The following CFAP43 variants were observed in gnomAD, a reference collection of about 807,000 sequenced individuals.
CFAP43 encodes the protein cilia and flagella associated protein 43.
In CFAP43, 155 loss-of-function variants were observed where a neutral mutation model predicts 218.9. The observed-to-expected ratio is 0.71, with a 90% CI of 0.62 to 0.81. CFAP43 has a LOEUF of 0.81. Ranked by LOEUF, CFAP43 falls within the 30% of genes least tolerant of loss-of-function variation. The probability of loss-of-function intolerance (pLI) is 0.00; values close to 1 mark genes in which losing one functional copy is unlikely to be tolerated. For missense variants in CFAP43, 1,778 were observed against 1,954.3 expected (o/e 0.91, Z 1.70); for synonymous variants, 645 against 681.3 (o/e 0.95, Z 0.83).
chr10:104,218,400 AT>A (rs1393314656), intron 3 of CFAP43, among the ~76,000 whole-genome samples: 1 of 151,232 alleles, frequency 6.6e-6, no homozygotes, highest in East Asian at 1.9e-4. Flanking sequence ...TCCAAAAAGA[AT>A]TTTTTTTCAA....
intron 8 of CFAP43, among the ~76,000 whole-genome samples, chr10:104,198,977 A>G (rs1289227306): frequency 6.6e-6 from 1 of 152,212 alleles, no homozygotes; most frequent in Non-Finnish European, 1.5e-5. Context: ...TTTAATTTAC[A>G]AAACATAACA....
At chr10:104,169,795 T>C (rs1382663455) in intron 20 of CFAP43, among the ~76,000 whole-genome samples, 1 of 152,170 alleles carries the variant, frequency 6.6e-6, no homozygotes, top group Non-Finnish European at 1.5e-5. Context: ...GCTAATATAG[T>C]TTTAAATTAT....
Position 104,166,558 on chromosome 10 carries a change from G to A in CFAP43, c.2969C>T (p.Thr990Ile), listed in dbSNP as rs1269401188. The change falls in exon 23 of 38, where the codon ACC becomes ATC. Residue 990 changes from threonine (T) to isoleucine (I), a missense_variant. Physicochemically the swap from Thr to Ile is moderately conservative, Grantham distance 89. Transcript: ENST00000357060. ...CTCCAATTGGCTTGACAATAAAGAG[G>A]TATCTACCCCAAAATCAGTACTCAG... ...GSLSTDFGVD[T>I]SLLSSQLELH... is the part of the protein sequence containing the mutation. 1 of 1,613,928 alleles carries A rather than the reference G, an allele frequency of 6.2e-7. No individual in the cohort carries two copies. Among genetic ancestry groups the A allele is most frequent in the Non-Finnish European group, 8.5e-7 (1 of 1,180,002 alleles).
At position 104,131,467 on chromosome 10, in the gene CFAP43, C is replaced by T. The variant is rs1435092672; in HGVS notation, c.4695G>A (p.Val1565=). 1 of 1,609,674 alleles carries T rather than the reference C, an allele frequency of 6.2e-7. No individual in the cohort carries two copies. Among genetic ancestry groups the T allele is most frequent in the Admixed American group, 1.7e-5 (1 of 58,980 alleles). The change falls in exon 37 of 38, where the codon GTG becomes GTA. Residue 1565 remains valine, a synonymous_variant. Coordinates refer to ENST00000357060, the MANE Select transcript of CFAP43 (RefSeq NM_025145.7). ...AVLDKMHKKN[V]ENCKKLLKKL... ...TTTTGAGTAGTTTCTTGCAGTTTTC[C>T]ACATTCTTTTTGTGCATCTGAAATT...
chr10:104,180,564 G>C (rs2089798354), intron 17 of CFAP43, among the ~76,000 whole-genome samples: 1 of 150,984 alleles, frequency 6.6e-6, no homozygotes, highest in Non-Finnish European at 1.5e-5. Context: ...TCCTGCCTCA[G>C]CCTCCTGAGT....
intron 13 of CFAP43, 113 bp from the exon 14 acceptor site, chr10:104,187,605 T>C (rs2090073796): frequency 2.3e-6 from 2 of 885,938 alleles, no homozygotes; most frequent in Non-Finnish European, 3.2e-6. Context: ...TCAACTAATA[T>C]TGCGGAAGCT....
intron 1 of CFAP43, among the ~76,000 whole-genome samples, chr10:104,231,794 G>A (rs2091454544): frequency 6.6e-6 from 1 of 152,222 alleles, no homozygotes; most frequent in Non-Finnish European, 1.5e-5. Context: ...AATCACCAAA[G>A]GTAGCAAGGA....
At chr10:104,231,176 CAG>C (rs769374857) in intron 1 of CFAP43, among the ~76,000 whole-genome samples, 6 of 152,176 alleles carry the variant, frequency 3.9e-5, no homozygotes, top group Non-Finnish European at 8.8e-5. Context: ...GTGAAAATAA[CAG>C]AGAAAAGAGC....
chr10:104,229,376 G>A (rs905157952), intron 2 of CFAP43, among the ~76,000 whole-genome samples: 1 of 152,070 alleles, frequency 6.6e-6, no homozygotes, highest in Non-Finnish European at 1.5e-5. Context: ...CATTAGGCCG[G>A]GCACAGTGGC....
At chr10:104,189,895 T>C (rs1160479909) in intron 12 of CFAP43, among the ~76,000 whole-genome samples, 3 of 151,400 alleles carry the variant, frequency 2.0e-5, no homozygotes, top group Admixed American at 6.6e-5. Flanking sequence ...AGGCCAGGCG[T>C]GGTGGCTCAC....
intron 3 of CFAP43, among the ~76,000 whole-genome samples, chr10:104,218,466 C>G (rs1317736461): frequency 6.6e-6 from 1 of 151,504 alleles, no homozygotes; most frequent in Non-Finnish European, 1.5e-5. Flanking sequence ...CCTTCCTTCT[C>G]AAGCAGTGGT....
intron 19 of CFAP43, among the ~76,000 whole-genome samples, chr10:104,176,516 TAAAAG>T (rs1394134486): frequency 6.6e-6 from 1 of 152,198 alleles, no homozygotes; most frequent in Non-Finnish European, 1.5e-5. Context: ...TTATAAAAGT[TAAAAG>T]AAAGTATTTA....
rs529540848 is a variant in CFAP43 at position 104,164,092 on chromosome 10, ACCT to A, written c.3245_3246+1del. ...GGAAAGGAGAACACAGCTAGCCAGTACCTCCTCATCTTGCACAACAAGCGTTCT... is the reference window on the plus strand; with the variant it reads ...GGAAAGGAGAACACAGCTAGCCAGTACCTCATCTTGCACAACAAGCGTTCT... On this transcript the variant is annotated splice_donor_variant and coding_sequence_variant, in exon 24 of 38. Coordinates refer to ENST00000357060, the MANE Select transcript of CFAP43 (RefSeq NM_025145.7). LOFTEE classifies it high-confidence loss of function. The A allele has an allele frequency of 1.1e-4, 180 of 1,613,944 alleles. No individual in the cohort carries two copies. The East Asian group carries it at 3.7e-3, about 33-fold the overall frequency.
chr10:104,178,177 C>T (rs1030333077), intron 19 of CFAP43, among the ~76,000 whole-genome samples: 47 of 152,156 alleles, frequency 3.1e-4, no homozygotes, highest in African/African-American at 7.2e-4. Flanking sequence ...ATCTCTAGGA[C>T]GGCAGCCATA....
chr10:104,184,891 A>C (rs2089980828), intron 16 of CFAP43, 125 bp downstream of exon 16: 1 of 1,432,640 alleles, frequency 7.0e-7, no homozygotes, highest in African/African-American at 1.4e-5. Flanking sequence ...CTGTGAGTAT[A>C]ACAAACTTTC....
At chr10:104,180,095 C>T (rs892486935) in intron 17 of CFAP43, among the ~76,000 whole-genome samples, 163 bp from the exon 18 acceptor site, 3 of 152,124 alleles carry the variant, frequency 2.0e-5, no homozygotes, top group Non-Finnish European at 4.4e-5. Context: ...ACATTTTATT[C>T]AGGTAAGTCC....
chr10:104,226,952 A>G (rs35908483), intron 2 of CFAP43, among the ~76,000 whole-genome samples: 3,794 of 152,148 alleles, frequency 0.025, 152 homozygotes, highest in African/African-American at 0.088. Context: ...TGGGAGGCGG[A>G]AGTTGCAGTG....
intron 22 of CFAP43, 142 bp downstream of exon 22, chr10:104,167,479 T>C (rs187575620): frequency 1.8e-6 from 1 of 546,188 alleles, no homozygotes; most frequent in East Asian, 3.3e-5. Flanking sequence ...TATTAGAATA[T>C]ATTCTACAAA....
intron 30 of CFAP43, 95 bp from the exon 31 acceptor site, chr10:104,145,659 G>T: frequency 1.4e-6 from 1 of 735,942 alleles, no homozygotes; most frequent in East Asian, 2.7e-5. Context: ...TAGCACTTTG[G>T]TTTTAAAAAT....
Sources: allele counts gnomAD v4.1 joint callset (sites outside exome capture counted in the v4.1 genomes callset), GRCh38; gene constraint gnomAD v4.1.1; transcripts MANE v1.5; gene names NCBI Gene and HGNC (gene_info 2026-07-23, HGNC 2026-07-21).